SLC45A1: variants seen among roughly 807,000 people sequenced by gnomAD.
The protein encoded by SLC45A1 is solute carrier family 45 member 1.
A neutral mutation model predicts 57.6 loss-of-function variants in SLC45A1; 28 were observed. That is an observed-to-expected ratio of 0.49 (90% confidence interval 0.36 to 0.67). SLC45A1 has a LOEUF of 0.67. SLC45A1 is among the 30% of genes least tolerant of loss of function. SLC45A1 has a pLI of 0.00. For synonymous variants in SLC45A1, 459 were observed against 471.5 expected, an observed-to-expected ratio of 0.97 and a Z score of 0.34; for missense variants, 814 against 1,041.5, an observed-to-expected ratio of 0.78 and a Z score of 3.01.
In SLC45A1 at chr1:8,335,340, C is replaced by T. The variant is rs745466491; in HGVS notation, c.1444-97C>T. On this transcript the variant is annotated intron_variant, in intron 5 of 8. Coordinates refer to ENST00000471889, the MANE Select transcript of SLC45A1 (RefSeq NM_001080397.3). This position sits in a 1 kb window ranked among gnomAD's most constrained non-coding sequence, Gnocchi z 4.1. The stretch of plus-strand genomic sequence containing the variant: ...AAGACAGACCCTTGCAGCCTCCGTG[C>T]GGTGTTTCCGAGAGCGCATTCCCCT... The T allele has an allele frequency of 1.1e-5, 13 of 1,200,774 alleles. No homozygotes were observed. Among genetic ancestry groups the T allele is most frequent in the Admixed American group, 5.4e-5 (2 of 36,720 alleles). The allele number at this position is 1,200,774 out of a possible 1,614,324, so 74.4% of individuals were successfully genotyped here. A position where few individuals can be genotyped will look rare whatever the true frequency, so the allele number is the denominator to read the frequency against.
At chr1:8,332,208 G>A (rs1423838751) in intron 5 of SLC45A1, among the ~76,000 whole-genome samples, 1 of 152,238 alleles carries the variant, frequency 6.6e-6, no homozygotes, top group Non-Finnish European at 1.5e-5. Context: ...TTTTTCCCAA[G>A]ACGTCCGGGC....
At chr1:8,340,229 C>G (rs1262951633) in intron 8 of SLC45A1, among the ~76,000 whole-genome samples, 3 of 147,718 alleles carry the variant, frequency 2.0e-5, no homozygotes, top group Non-Finnish European at 4.4e-5. Context: ...GTGGTGCGAT[C>G]TCGGCTCACT....
At position 8,328,993 on chromosome 1, in the gene SLC45A1, A is replaced by C. The variant is rs1640288187; in HGVS notation, c.716-1216A>C. On this transcript the variant is annotated intron_variant, in intron 4 of 8. Coordinates refer to ENST00000471889, the MANE Select transcript of SLC45A1 (RefSeq NM_001080397.3). This position sits in a 1 kb window ranked among gnomAD's most constrained non-coding sequence, Gnocchi z 4.6. ...AGAATAATAAAATGCCTGGGAGGGC[A>C]GTGGGGAGGCAAAAAGACTCCCAAG... 6.6e-6 allele frequency among the ~76,000 whole-genome samples: 1 copy of C among 152,200 alleles called. No homozygotes were observed. Among genetic ancestry groups the C allele is most frequent in the Admixed American group, 6.6e-5 (1 of 15,262 alleles).
In SLC45A1 at chr1:8,339,492, G is replaced by A. The variant is rs758479930; in HGVS notation, c.1775-1G>A. On this transcript the variant is annotated splice_acceptor_variant, in intron 7 of 8. Coordinates refer to ENST00000471889, the MANE Select transcript of SLC45A1 (RefSeq NM_001080397.3). LOFTEE classifies it high-confidence loss of function. ...CTGCTCACCCTCTCTGTGGCCCGCA[G>A]CTATCCTGGAGAAGCTGGAGGAGTT... 6.2e-7 allele frequency: 1 copy of A among 1,614,130 alleles called. No individual in the cohort carries two copies. The highest frequency in any genetic ancestry group is 2.2e-5 in the East Asian group (1 of 44,880).
At position 8,325,983 on chromosome 1, in the gene SLC45A1, T is replaced by C; in HGVS notation, c.656T>C (p.Met219Thr). The change falls in exon 4 of 9, where the codon ATG becomes ACG. Residue 219 changes from methionine to threonine, a missense_variant. Physicochemically the swap from Met to Thr is moderately conservative, Grantham distance 81. Transcript: ENST00000471889. This position sits in a 1 kb window ranked among gnomAD's most constrained non-coding sequence, Gnocchi z 6.3. The part of the protein sequence containing the change: ...SADNPSHAYM[M>T]DVCSPADQDR... ...GACAACCCCAGCCACGCCTACATGA[T>C]GGACGTGTGCAGCCCCGCAGACCAG... The C allele has an allele frequency of 6.2e-7, 1 of 1,611,818 alleles. No individual in the cohort carries two copies. The highest frequency in any genetic ancestry group is 1.1e-5 in the South Asian group (1 of 91,086).
rs913622772 is a variant in SLC45A1 at position 8,343,506 on chromosome 1, C to T, written c.1981-241C>T. 1.4e-4 allele frequency among the ~76,000 whole-genome samples: 21 copies of T among 152,292 alleles called. No homozygotes were observed. Among genetic ancestry groups the T allele is most frequent in the Middle Eastern group, 3.4e-3 (1 of 294 alleles). On this transcript the variant is annotated intron_variant, in intron 8 of 8. Transcript: ENST00000471889. The surrounding 1 kb of genome is among the most constrained non-coding windows in gnomAD (Gnocchi z 7.7). ...GCGGGGAAAGTGTCTCCCGCCACCT[C>T]GGCCCGTGGGAGCTCAGCCCTCTGC...
chr1:8,318,313 T>C (rs933703502), intron 1 of SLC45A1, 127 bp downstream of exon 1: 1 of 388,686 alleles, frequency 2.6e-6, no homozygotes, highest in Non-Finnish European at 4.6e-6. Flanking sequence ...GAGACCTTTG[T>C]TCCTCGTGGA....
chr1:8,324,650 C>T lies in SLC45A1; in HGVS notation c.321C>T (p.Tyr107=), dbSNP rs572379988. ...IEFSYAMETA[Y]VTPVLLQMGL... is the part of the protein sequence containing the mutation. The stretch of plus-strand genomic sequence containing the variant: ...TCAGCTACGCCATGGAGACGGCGTA[C>T]GTGACCCCGGTGCTCCTGCAGATGG... The change falls in exon 2 of 9, where the codon TAC becomes TAT. Residue 107 remains tyrosine, a synonymous_variant. Transcript: ENST00000471889. The T allele has an allele frequency of 1.2e-5, 20 of 1,602,972 alleles. No homozygotes were observed. Among genetic ancestry groups the T allele is most frequent in the Middle Eastern group, 1.6e-4 (1 of 6,070 alleles).
chr1:8,321,467 C>T (rs1640006661), intron 1 of SLC45A1, among the ~76,000 whole-genome samples: 1 of 152,194 alleles, frequency 6.6e-6, no homozygotes, highest in Admixed American at 6.5e-5. Flanking sequence ...TCATCTCTCA[C>T]CCCACCCCCA....
Position 8,326,866 on chromosome 1 carries a change from G to A in SLC45A1, c.715+824G>A, listed in dbSNP as rs1640218222. Among the ~76,000 whole-genome samples, 1 of 152,220 alleles carries A rather than the reference G, an allele frequency of 6.6e-6. No homozygotes were observed. Among genetic ancestry groups the A allele is most frequent in the South Asian group, 2.1e-4 (1 of 4,834 alleles). On this transcript the variant is annotated intron_variant, in intron 4 of 8. Coordinates refer to ENST00000471889, the MANE Select transcript of SLC45A1 (RefSeq NM_001080397.3). This position sits in a 1 kb window ranked among gnomAD's most constrained non-coding sequence, Gnocchi z 5.5. ...GTGGTGGCACATGCCTGTAATCCCA[G>A]CTACTTGGGAGGCTGAGGCAGGAGA...
Position 8,335,381 on chromosome 1 carries a change from T to C in SLC45A1, c.1444-56T>C, listed in dbSNP as rs2305016. 792,443 of 1,512,954 alleles carry C rather than the reference T, an allele frequency of 0.52. 211,377 individuals carry two copies. The highest frequency in any genetic ancestry group is 0.58 in the Middle Eastern group (3,279 of 5,664). The allele number at this position is 1,512,954 out of a possible 1,614,324, so 93.7% of individuals were successfully genotyped here. On this transcript the variant is annotated intron_variant, in intron 5 of 8. Transcript: ENST00000471889. This position sits in a 1 kb window ranked among gnomAD's most constrained non-coding sequence, Gnocchi z 4.1. ...GCATTCCCCTGAGCAGAGCAGGGTC[T>C]GCGCTGTGTGATGGGGGTGCGGGGC...
intron 4 of SLC45A1, among the ~76,000 whole-genome samples, chr1:8,329,687 C>CA (rs1640317245): frequency 1.3e-5 from 2 of 152,206 alleles, no homozygotes; most frequent in South Asian, 4.1e-4. Flanking sequence ...GCTGATAGCT[C>CA]AGAGATCGGA....
At chr1:8,340,571 T>C (rs1318168328) in intron 8 of SLC45A1, among the ~76,000 whole-genome samples, 2 of 152,248 alleles carry the variant, frequency 1.3e-5, no homozygotes, top group African/African-American at 4.8e-5. Context: ...CCTTGAATCC[T>C]GACTAGACGT....
intron 1 of SLC45A1, among the ~76,000 whole-genome samples, chr1:8,321,472 C>T (rs1441439565): frequency 1.3e-5 from 2 of 152,172 alleles, no homozygotes; most frequent in African/African-American, 4.8e-5. Context: ...TCTCACCCCA[C>T]CCCCACTGTG....
intron 1 of SLC45A1, among the ~76,000 whole-genome samples, chr1:8,320,454 G>A (rs570456926): frequency 6.6e-6 from 1 of 152,206 alleles, no homozygotes; most frequent in East Asian, 1.9e-4. Flanking sequence ...GCCAGCCTGG[G>A]CAACATGGCG....
rs761824618 is a variant in SLC45A1, at chr1:8,339,625, C to G, written c.1907C>G (p.Thr636Ser). 5.6e-6 allele frequency: 9 copies of G among 1,614,280 alleles called. No homozygotes were observed. The highest frequency in any genetic ancestry group is 7.6e-6 in the Non-Finnish European group (9 of 1,180,052). ...TACGTGGTCCTGTCGCTCTGCATAA[C>G]CTACGGGATTTTATTTTCCACCCTG... ...NLYVVLSLCI[T>S]YGILFSTLCT... The change falls in exon 8 of 9, where the codon ACC becomes AGC. Residue 636 changes from threonine (T) to serine (S), a missense_variant. Transcript: ENST00000471889.
At chr1:8,336,270 C>T (rs1184851593) in intron 6 of SLC45A1, among the ~76,000 whole-genome samples, 1 of 152,034 alleles carries the variant, frequency 6.6e-6, no homozygotes, top group Non-Finnish European at 1.5e-5. Context: ...ATTAGCTGGG[C>T]ATGGTGGTGC....
In SLC45A1 at chr1:8,330,611, T is replaced by C; in HGVS notation, c.1118T>C (p.Ile373Thr). ...EFASSFGTAN[I>T]DSVLIDCFTG... Reference sequence around the variant, plus strand: ...GCCTCATCCTTTGGCACGGCCAACATAGACAGCGTCCTCATTGACTGCTTC... The same window carrying C: ...GCCTCATCCTTTGGCACGGCCAACACAGACAGCGTCCTCATTGACTGCTTC... The change falls in exon 5 of 9, where the codon ATA (isoleucine) becomes ACA (threonine). Residue 373 changes from isoleucine (I) to threonine (T), a missense_variant. Ile to Thr is a moderately conservative substitution (Grantham distance 89, BLOSUM62 -1). Coordinates refer to ENST00000471889, the MANE Select transcript of SLC45A1 (RefSeq NM_001080397.3). This position sits in a 1 kb window ranked among gnomAD's most constrained non-coding sequence, Gnocchi z 8.4. 1.2e-6 allele frequency: 2 copies of C among 1,613,640 alleles called. No individual in the cohort carries two copies. Among genetic ancestry groups the C allele is most frequent in the East Asian group, 2.2e-5 (1 of 44,882 alleles).
At chr1:8,319,079 A>G (rs1639911976) in intron 1 of SLC45A1, among the ~76,000 whole-genome samples, 1 of 152,098 alleles carries the variant, frequency 6.6e-6, no homozygotes, top group South Asian at 2.1e-4. Flanking sequence ...TCAGGAGTTC[A>G]AGACCAGCCT....
Sources: allele counts gnomAD v4.1 joint callset (sites outside exome capture counted in the v4.1 genomes callset), GRCh38; gene constraint gnomAD v4.1.1; non-coding constraint Gnocchi (gnomAD v3.1); transcripts MANE v1.5; gene names NCBI Gene and HGNC (gene_info 2026-07-23, HGNC 2026-07-21).